Variants in CSTPP1 observed in about 807,000 individuals in gnomAD.
CSTPP1 encodes UPF0705 protein C11orf49.
chr11:47,031,929 C>G, the CSTPP1 span, among the ~76,000 whole-genome samples: 1 of 152,080 alleles, frequency 6.6e-6, no homozygotes. Context: ...TGTTTTAGGG[C>G]AGGAAGCATC....
chr11:47,122,091 A>AAAAAAAAAAAAAAAAT, the CSTPP1 span, among the ~76,000 whole-genome samples: 12 of 31,838 alleles, frequency 3.8e-4, no homozygotes, highest in Non-Finnish European at 6.4e-4. Flanking sequence ...AAAAAAAAAA[A>AAAAAAAAAAAAAAAAT]ATATATATAT....
the CSTPP1 span, among the ~76,000 whole-genome samples, chr11:47,123,974 C>A: frequency 2.0e-5 from 3 of 151,718 alleles, no homozygotes; most frequent in Non-Finnish European, 4.4e-5. Context: ...ACAAATTATG[C>A]GCTACCCAGT....
At chr11:46,977,918 G>C in the CSTPP1 span, among the ~76,000 whole-genome samples, 1 of 152,200 alleles carries the variant, frequency 6.6e-6, no homozygotes, top group Non-Finnish European at 1.5e-5. Flanking sequence ...GCAACAGAAA[G>C]AGTAGTTGAG....
the CSTPP1 span, among the ~76,000 whole-genome samples, chr11:47,117,359 G>C: frequency 6.6e-6 from 1 of 152,154 alleles, no homozygotes; most frequent in Non-Finnish European, 1.5e-5. Context: ...GCATTTGCTT[G>C]TCTGTAAAGG....
chr11:46,993,068 AC>A, the CSTPP1 span, among the ~76,000 whole-genome samples: 1 of 152,114 alleles, frequency 6.6e-6, no homozygotes, highest in Admixed American at 6.6e-5. Context: ...TCCTTTGCCC[AC>A]TTTTTGATGG....
the CSTPP1 span, among the ~76,000 whole-genome samples, chr11:47,067,706 C>G: frequency 6.6e-6 from 1 of 152,228 alleles, no homozygotes; most frequent in African/African-American, 2.4e-5. Flanking sequence ...TCTCAGACTT[C>G]CAGTCCCCAG....
the CSTPP1 span, among the ~76,000 whole-genome samples, chr11:46,972,538 A>G: frequency 1.3e-5 from 2 of 152,102 alleles, no homozygotes; most frequent in Non-Finnish European, 2.9e-5. Flanking sequence ...TTCTGAAGAG[A>G]TTTCTGGAAG....
At chr11:47,032,488 A>T in the CSTPP1 span, among the ~76,000 whole-genome samples, 1 of 152,220 alleles carries the variant, frequency 6.6e-6, no homozygotes, top group African/African-American at 2.4e-5. Context: ...TGACTAAAGA[A>T]AATGGAAGCA....
the CSTPP1 span, among the ~76,000 whole-genome samples, chr11:46,944,228 G>C: frequency 6.7e-6 from 1 of 148,440 alleles, no homozygotes; most frequent in African/African-American, 2.5e-5. Context: ...TGAGACACGA[G>C]AATTGCTTGA....
chr11:47,022,031 T>C, the CSTPP1 span, among the ~76,000 whole-genome samples: 1 of 151,652 alleles, frequency 6.6e-6, no homozygotes, highest in African/African-American at 2.4e-5. Flanking sequence ...CAGCCACATA[T>C]ATGGTTTTTT....
At chr11:47,087,653 C>T in the CSTPP1 span, among the ~76,000 whole-genome samples, 5 of 151,980 alleles carry the variant, frequency 3.3e-5, no homozygotes, top group African/African-American at 9.7e-5. Context: ...GAGCCGAGAT[C>T]GCACCACTGC....
the CSTPP1 span, among the ~76,000 whole-genome samples, chr11:47,015,865 G>A: frequency 6.6e-6 from 1 of 151,600 alleles, no homozygotes; most frequent in East Asian, 1.9e-4. Context: ...AAAGAAATGC[G>A]TAACCCACCA....
the CSTPP1 span, among the ~76,000 whole-genome samples, chr11:47,030,212 C>T: frequency 6.6e-6 from 1 of 152,118 alleles, no homozygotes; most frequent in African/African-American, 2.4e-5. Flanking sequence ...CTCTAATGAG[C>T]TGGCCTGGTT....
chr11:46,980,476 C>G, the CSTPP1 span, among the ~76,000 whole-genome samples: 1 of 152,150 alleles, frequency 6.6e-6, no homozygotes, highest in African/African-American at 2.4e-5. Context: ...AATTTGTTCT[C>G]AGAAAGTTCT....
the CSTPP1 span, among the ~76,000 whole-genome samples, chr11:46,950,415 C>T: frequency 1.4e-4 from 22 of 151,856 alleles, no homozygotes; most frequent in Admixed American, 6.6e-5. Flanking sequence ...CCTTGTGATC[C>T]GCCTGCCTCG....
chr11:47,137,173 C>A, the CSTPP1 span: 1 of 847,418 alleles, frequency 1.2e-6, no homozygotes, highest in Non-Finnish European at 1.6e-6. Flanking sequence ...ATGCTGTACT[C>A]TTCTCCCTAC....
chr11:47,016,911 C>T, the CSTPP1 span, among the ~76,000 whole-genome samples: 2 of 129,660 alleles, frequency 1.5e-5, no homozygotes, highest in Non-Finnish European at 3.1e-5. Flanking sequence ...GGCCCAATCT[C>T]GGCTCACTGC....
the CSTPP1 span, among the ~76,000 whole-genome samples, chr11:47,133,515 GC>G: frequency 6.6e-6 from 1 of 152,190 alleles, no homozygotes; most frequent in African/African-American, 2.4e-5. Flanking sequence ...CCACGGTGTG[GC>G]CACCAGCACA....
At chr11:46,971,141 G>A in the CSTPP1 span, among the ~76,000 whole-genome samples, 1 of 152,274 alleles carries the variant, frequency 6.6e-6, no homozygotes, top group African/African-American at 2.4e-5. Context: ...ATACTCTGGG[G>A]AATTGGCATA....
Sources: allele counts gnomAD v4.1 joint callset (sites outside exome capture counted in the v4.1 genomes callset), GRCh38; gene constraint gnomAD v4.1.1; transcripts MANE v1.5; gene names NCBI Gene and HGNC (gene_info 2026-07-23, HGNC 2026-07-21).